DCHS1: variants seen among roughly 807,000 people sequenced by gnomAD.
DCHS1 encodes the protein protocadherin-16.
In DCHS1, 78 loss-of-function variants were observed where a neutral mutation model predicts 213.9. That is an observed-to-expected ratio of 0.36 (90% CI 0.30 to 0.44). The LOEUF (loss-of-function observed/expected upper bound fraction) is 0.44. Among genes scored for constraint, DCHS1 ranks in the 20% least tolerant of loss-of-function variants. The pLI is 1.00. For synonymous variants in DCHS1, 1,828 were observed against 1,873.7 expected, an observed-to-expected ratio of 0.98 and a Z score of 0.63; for missense variants, 3,946 against 4,395.9, an observed-to-expected ratio of 0.90 and a Z score of 2.89.
chr11:6,625,108 C>T lies in DCHS1; in HGVS notation c.7146+90G>A. On this transcript the variant is annotated intron_variant, in intron 19 of 20. Coordinates refer to ENST00000299441, the MANE Select transcript of DCHS1 (RefSeq NM_003737.4). The surrounding 1 kb of genome is among the most constrained non-coding windows in gnomAD (Gnocchi z 5.3). ...CCATTCCCAGATCAGCTCCAACGTCCAGCCCACCTCAGCAGCTGCTAGCTC... is the reference window on the plus strand; with the variant it reads ...CCATTCCCAGATCAGCTCCAACGTCTAGCCCACCTCAGCAGCTGCTAGCTC... 3 of 1,505,930 alleles carry T rather than the reference C, an allele frequency of 2.0e-6. No homozygotes were observed. The highest frequency in any genetic ancestry group is 2.7e-6 in the Non-Finnish European group (3 of 1,122,150). 93.3% of individuals were successfully genotyped at this position (1,505,930 alleles called of 1,614,324 possible).
rs1856077078 is a variant in DCHS1 at position 6,641,625 on chromosome 11, T to C, written c.-12A>G. The C allele has an allele frequency of 7.8e-6, 12 of 1,531,404 alleles. No homozygotes were observed. The highest frequency in any genetic ancestry group is 9.7e-6 in the Non-Finnish European group (11 of 1,134,430). The allele number at this position is 1,531,404 out of a possible 1,614,324, so 94.9% of individuals were successfully genotyped here. ...AGCTCCTTCTGCATGACAAGGGTAG[T>C]CCAGCTGTGCCTTGGGCTCCAGCTC... On this transcript the variant is annotated 5_prime_UTR_variant, in exon 2 of 21. Transcript: ENST00000299441. This position sits in a 1 kb window ranked among gnomAD's most constrained non-coding sequence, Gnocchi z 7.1.
At chr11:6,636,536 C>A (rs547902482) in intron 2 of DCHS1, among the ~76,000 whole-genome samples, 37 of 152,146 alleles carry the variant, frequency 2.4e-4, no homozygotes, top group Middle Eastern at 3.4e-3. Context: ...GACAGGCTCT[C>A]ACTATGTTGT....
In DCHS1 at chr11:6,628,677, A is replaced by C; in HGVS notation, c.5315T>G (p.Leu1772Arg). 1 of 1,614,064 alleles carries C rather than the reference A, an allele frequency of 6.2e-7. No individual in the cohort carries two copies. Among genetic ancestry groups the C allele is most frequent in the Non-Finnish European group, 8.5e-7 (1 of 1,179,902 alleles). The change falls in exon 13 of 21, where the codon CTT becomes CGT. Residue 1772 changes from leucine to arginine, a missense_variant. Transcript: ENST00000299441. This position sits in a 1 kb window ranked among gnomAD's most constrained non-coding sequence, Gnocchi z 4.3. ...EGQDPQTLTMLRASDPDVGAN... is the reference protein window; with the variant it reads ...EGQDPQTLTMRRASDPDVGAN... ...TCCCACATCTGGATCAGAGGCCCGA[A>C]GCATGGTAAGGGTCTGGGGGTCCTG...
chr11:6,645,833 G>A (rs553696359), intron 1 of DCHS1, among the ~76,000 whole-genome samples: 4 of 152,260 alleles, frequency 2.6e-5, no homozygotes, highest in East Asian at 1.9e-4. Flanking sequence ...TCAGGCTTAC[G>A]AAGATGCATT....
In DCHS1 at chr11:6,631,687, G is replaced by A. The variant is rs1266425571; in HGVS notation, c.3604C>T (p.Leu1202Phe). 1.2e-6 allele frequency: 2 copies of A among 1,610,072 alleles called. No homozygotes were observed. Among genetic ancestry groups the A allele is most frequent in the Admixed American group, 1.7e-5 (1 of 59,404 alleles). ...GTGGGGCTGTTGTCGTTGAGGTCAA[G>A]CACTGCAACATGCACAGTGCCTGTG... Reference protein sequence around the residue: ...STTGTVHVAVLDLNDNSPTFL... With the variant: ...STTGTVHVAVFDLNDNSPTFL... Residue 1202 changes from leucine (L) to phenylalanine (F), a missense_variant, in exon 7 of 21, where the codon CTT (leucine) becomes TTT (phenylalanine). Leu to Phe is a conservative substitution (Grantham distance 22, BLOSUM62 0). Coordinates refer to ENST00000299441, the MANE Select transcript of DCHS1 (RefSeq NM_003737.4).
chr11:6,631,629 C>T lies in DCHS1; in HGVS notation c.3662G>A (p.Gly1221Asp), dbSNP rs755702148. 2.5e-6 allele frequency: 4 copies of T among 1,577,406 alleles called. No individual in the cohort carries two copies. In the Admixed American group the frequency reaches 5.4e-5, roughly 21 times the overall value. ...CACTTCACATACCTGTATAGGGAGG[C>T]CCCCACCAGCAGCTCCTGAAGCCTG... ...FLQASGAAGG[G>D]LPIQVPDRVP... is the part of the protein sequence containing the mutation. The change falls in exon 7 of 21, where the codon GGC becomes GAC. Residue 1221 changes from glycine to aspartate, a missense_variant. This residue lies in a region of DCHS1 where 3,384 missense variants were observed against 3,780.1 expected (regional missense o/e 0.90). Transcript: ENST00000299441.
At position 6,623,621 on chromosome 11, in the gene DCHS1, T is replaced by G. The variant is rs1202431677; in HGVS notation, c.8055A>C (p.Ala2685=). 6.2e-7 allele frequency: 1 copy of G among 1,613,798 alleles called. No individual in the cohort carries two copies. Residue 2685 remains alanine (A), a synonymous_variant, in exon 21 of 21, where the codon GCA becomes GCC. Coordinates refer to ENST00000299441, the MANE Select transcript of DCHS1 (RefSeq NM_003737.4). ...TTGTCACTGGTGCCAAAGCAAAGTG[T>G]GCACCAGCAGGGTCAGCAGCCTGTA... is the stretch of plus-strand genomic sequence containing the variant. ...LVVQAADPAG[A]HFALAPVTIE...
At chr11:6,652,972 C>A (rs1244050699) in intron 1 of DCHS1, among the ~76,000 whole-genome samples, 1 of 152,228 alleles carries the variant, frequency 6.6e-6, no homozygotes, top group African/African-American at 2.4e-5. Flanking sequence ...TGTCCTTCTT[C>A]TCAGGCTCTT....
intron 1 of DCHS1, among the ~76,000 whole-genome samples, chr11:6,651,900 A>G (rs1020103425): frequency 3.9e-5 from 6 of 152,236 alleles, no homozygotes; most frequent in Admixed American, 1.3e-4. Context: ...TACAGTAAAG[A>G]GCAGGCATGC....
chr11:6,644,265 C>A (rs1024035190), intron 1 of DCHS1, among the ~76,000 whole-genome samples: 1 of 152,326 alleles, frequency 6.6e-6, no homozygotes, highest in Admixed American at 6.5e-5. Flanking sequence ...TGGACACTAA[C>A]TAGGTATAGA....
chr11:6,654,073 T>C (rs1856282489), intron 1 of DCHS1, among the ~76,000 whole-genome samples: 1 of 152,194 alleles, frequency 6.6e-6, no homozygotes, highest in Admixed American at 6.5e-5. Flanking sequence ...CAGGATACAC[T>C]ATCCAGATCT....
At chr11:6,638,561 C>T (rs953573079) in intron 2 of DCHS1, among the ~76,000 whole-genome samples, 16 of 152,134 alleles carry the variant, frequency 1.1e-4, no homozygotes, top group African/African-American at 3.6e-4. Flanking sequence ...ATCTGCACAC[C>T]TCATATTATC....
In DCHS1 at chr11:6,630,121, T is replaced by TG; in HGVS notation, c.4672dup (p.Gln1558ProfsTer57). The TG allele has an allele frequency of 6.2e-7, 1 of 1,605,130 alleles. No individual in the cohort carries two copies. The highest frequency in any genetic ancestry group is 8.5e-7 in the Non-Finnish European group (1 of 1,174,958). ...GTGCAGGGCCGCGGGCCCAGGCGGC[T>TG]GGTCCTCTGGGAGGCGCACGCGTGA... On this transcript the variant is annotated frameshift_variant, in exon 10 of 21. Coordinates refer to ENST00000299441, the MANE Select transcript of DCHS1 (RefSeq NM_003737.4). LOFTEE classifies it high-confidence loss of function.
intron 1 of DCHS1, among the ~76,000 whole-genome samples, chr11:6,646,819 C>T (rs1316640111): frequency 6.6e-6 from 1 of 152,196 alleles, no homozygotes; most frequent in Non-Finnish European, 1.5e-5. Context: ...TCAATTCCCC[C>T]TCCCTCACCA....
chr11:6,627,405 C>T lies in DCHS1; in HGVS notation c.5634G>A (p.Gln1878=). The T allele has an allele frequency of 1.9e-6, 3 of 1,609,968 alleles. No homozygotes were observed. Among genetic ancestry groups the T allele is most frequent in the Non-Finnish European group, 2.5e-6 (3 of 1,178,194 alleles). Residue 1878 remains glutamine, a synonymous_variant, in exon 14 of 21, where the codon CAG becomes CAA. Transcript: ENST00000299441. This position sits in a 1 kb window ranked among gnomAD's most constrained non-coding sequence, Gnocchi z 5.4. ...TAGCTCCAGCATCAGGGTCATGAGC[C>T]TGTAGCTGCAGCAGCAGGGTCCCTG... ...VPAGTLLLQL[Q]AHDPDAGANG...
At position 6,626,338 on chromosome 11, in the gene DCHS1, A is replaced by G. The variant is rs1650588059; in HGVS notation, c.6407T>C (p.Val2136Ala). The part of the protein sequence containing the change: ...VRSAEGLDFE[V>A]SPRLRLVLQA... Reference sequence around the variant, plus strand: ...CAGCACCAGTCGCAGCCGTGGACTCACCTCGAAGTCTAGCCCCTCTGCTGA... The same window carrying G: ...CAGCACCAGTCGCAGCCGTGGACTCGCCTCGAAGTCTAGCCCCTCTGCTGA... Residue 2136 changes from valine to alanine, a missense_variant, in exon 16 of 21, where the codon GTG becomes GCG. This residue lies in a region of DCHS1 where 3,384 missense variants were observed against 3,780.1 expected (regional missense o/e 0.90). Transcript: ENST00000299441. The surrounding 1 kb of genome is among the most constrained non-coding windows in gnomAD (Gnocchi z 5.2). 6.2e-7 allele frequency: 1 copy of G among 1,613,568 alleles called. No individual in the cohort carries two copies. The highest frequency in any genetic ancestry group is 8.5e-7 in the Non-Finnish European group (1 of 1,179,708).
chr11:6,655,439 C>G (rs1236309992), intron 1 of DCHS1, 124 bp downstream of exon 1: 1 of 613,000 alleles, frequency 1.6e-6, no homozygotes. Context: ...GCCCAGGCCC[C>G]CCCTCCCCCA....
At chr11:6,635,925 C>T (rs1433438958) in intron 2 of DCHS1, among the ~76,000 whole-genome samples, 1 of 152,224 alleles carries the variant, frequency 6.6e-6, no homozygotes, top group Non-Finnish European at 1.5e-5. Context: ...GGTTTCACTG[C>T]AAATACAGTC....
At position 6,623,908 on chromosome 11, in the gene DCHS1, C is replaced by G; in HGVS notation, c.7768G>C (p.Val2590Leu). ...TTGTCATTGACATCTAGTACAGTGA[C>G]AGTGACTGGCACGACTGAGCTTTGG... ...PPQSSVVPVTVTVLDVNDNPP... is the reference protein window; with the variant it reads ...PPQSSVVPVTLTVLDVNDNPP... Residue 2590 changes from valine to leucine, a missense_variant, in exon 21 of 21, where the codon GTC (valine) becomes CTC (leucine). Physicochemically the swap from Val to Leu is conservative, Grantham distance 32. Around this residue, in one of 3 missense-constraint regions of DCHS1, gnomAD observed 3,384 missense variants for 3,780.1 expected, o/e 0.90. Transcript: ENST00000299441. The G allele has an allele frequency of 6.2e-7, 1 of 1,608,856 alleles. No homozygotes were observed. Among genetic ancestry groups the G allele is most frequent in the Non-Finnish European group, 8.5e-7 (1 of 1,176,190 alleles).
Sources: allele counts gnomAD v4.1 joint callset (sites outside exome capture counted in the v4.1 genomes callset), GRCh38; gene constraint gnomAD v4.1.1; regional missense constraint gnomAD v4.1.1; non-coding constraint Gnocchi (gnomAD v3.1); transcripts MANE v1.5; gene names NCBI Gene and HGNC (gene_info 2026-07-23, HGNC 2026-07-21).